MIGA1: variants seen among roughly 807,000 people sequenced by gnomAD.
MIGA1 encodes family with sequence similarity 73, member A.
MIGA1 carries 58 observed loss-of-function variants against 82.0 expected under a neutral mutation model. That is an observed-to-expected ratio of 0.71 (90% CI 0.57 to 0.88). The LOEUF is 0.88. MIGA1 is among the 40% of genes least tolerant of loss of function. The pLI, the probability that MIGA1 is intolerant of heterozygous loss-of-function variation, is 0.00. For synonymous variants in MIGA1, 249 were observed against 253.6 expected (o/e 0.98, Z 0.17); for missense variants, 751 against 749.1 (o/e 1.00, Z -0.03).
chr1:77,833,184 T>C (rs1684307757), intron 7 of MIGA1, among the ~76,000 whole-genome samples: 1 of 152,144 alleles, frequency 6.6e-6, no homozygotes, highest in Non-Finnish European at 1.5e-5. Flanking sequence ...TGCAGAATCA[T>C]TGTGGTTGGA....
At chr1:77,780,152 C>T (rs1049209509) in intron 1 of MIGA1, 2 of 989,974 alleles carry the variant, frequency 2.0e-6, no homozygotes, top group Non-Finnish European at 2.4e-6. Context: ...AGGAGAGCTC[C>T]GCGAGGGGCT....
At chr1:77,803,246 A>C (rs1682957812) in intron 3 of MIGA1, 24 bp from the exon 4 acceptor site, 1 of 1,363,094 alleles carries the variant, frequency 7.3e-7, no homozygotes, top group Non-Finnish European at 9.7e-7. Flanking sequence ...TGATATTTTT[A>C]ATATTAGTAT....
intron 2 of MIGA1, among the ~76,000 whole-genome samples, chr1:77,785,592 C>T (rs1454744610): frequency 6.6e-6 from 1 of 152,160 alleles, no homozygotes; most frequent in Non-Finnish European, 1.5e-5. Flanking sequence ...ATCTGCCTGC[C>T]TTGGCCTCCC....
intron 7 of MIGA1, among the ~76,000 whole-genome samples, chr1:77,824,649 G>A (rs1420478217): frequency 2.6e-5 from 4 of 152,184 alleles, no homozygotes; most frequent in Non-Finnish European, 5.9e-5. Context: ...TGTTTTAAAA[G>A]CATAAACACA....
In MIGA1 at chr1:77,874,832, T is replaced by C. The variant is rs540912776; in HGVS notation, c.1681-14T>C. ...TTTTGGTCTAATAAATGCCAATTTA[T>C]GTTCATTTTCCAGAATCAAGTTCTT... On this transcript the variant is annotated splice_polypyrimidine_tract_variant and intron_variant, in intron 15 of 15. Coordinates refer to ENST00000370791, the MANE Select transcript of MIGA1 (RefSeq NM_198549.4). The C allele has an allele frequency of 2.9e-5, 46 of 1,597,626 alleles. No homozygotes were observed. The highest frequency in any genetic ancestry group is 3.8e-5 in the Non-Finnish European group (44 of 1,167,102).
intron 2 of MIGA1, among the ~76,000 whole-genome samples, chr1:77,801,064 A>G (rs1682861328): frequency 6.6e-6 from 1 of 152,176 alleles, no homozygotes; most frequent in Non-Finnish European, 1.5e-5. Context: ...AAAAAATATT[A>G]ACGGGGTTGA....
intron 7 of MIGA1, among the ~76,000 whole-genome samples, chr1:77,822,830 A>T (rs1404731058): frequency 6.7e-6 from 1 of 148,334 alleles, no homozygotes. Flanking sequence ...AAATCCTTTC[A>T]GCATGTTTTT....
At chr1:77,874,704 G>T (rs963507382) in intron 15 of MIGA1, 142 bp from the exon 16 acceptor site, 1 of 634,038 alleles carries the variant, frequency 1.6e-6, no homozygotes, top group Middle Eastern at 4.4e-4. Context: ...CTTGTGCAAG[G>T]TCCCTTTTCT....
At chr1:77,866,456 T>G in intron 14 of MIGA1, 65 bp downstream of exon 14, 2 of 1,483,674 alleles carry the variant, frequency 1.3e-6, no homozygotes, top group Non-Finnish European at 9.4e-7. Context: ...AAGCAGCTTC[T>G]GAGTCACTTC....
chr1:77,873,078 G>C lies in MIGA1; in HGVS notation c.1638G>C (p.Leu546Phe), dbSNP rs139825144. ...GTCCTGTCCTAGCCTGGGGCTTTTTGGGTCCTAGAAATTCTCTGTATGATT... is the reference window on the plus strand; with the variant it reads ...GTCCTGTCCTAGCCTGGGGCTTTTTCGGTCCTAGAAATTCTCTGTATGATT... The change falls in exon 15 of 16, where the codon TTG (leucine) becomes TTC (phenylalanine). Residue 546 changes from leucine to phenylalanine, a missense_variant. Physicochemically the swap from Leu to Phe is conservative, Grantham distance 22. Around this residue, in one of 3 missense-constraint regions of MIGA1, gnomAD observed 265 missense variants for 293.6 expected, o/e 0.90. Coordinates refer to ENST00000370791, the MANE Select transcript of MIGA1 (RefSeq NM_198549.4). 3.7e-5 allele frequency: 59 copies of C among 1,613,718 alleles called. No individual in the cohort carries two copies. The African/African-American group carries it at 6.8e-4, about 19-fold the overall frequency.
intron 1 of MIGA1, 189 bp downstream of exon 1, chr1:77,779,925 C>T (rs1358759595): frequency 1.4e-6 from 2 of 1,382,674 alleles, no homozygotes; most frequent in Non-Finnish European, 9.3e-7. Flanking sequence ...CCTGAACACC[C>T]CCGACCTCGT....
chr1:77,866,132 G>T (rs917959464), intron 13 of MIGA1, among the ~76,000 whole-genome samples: 5 of 151,998 alleles, frequency 3.3e-5, no homozygotes, highest in Non-Finnish European at 7.4e-5. Flanking sequence ...GGCCAGGATG[G>T]TCTCCATCTC....
At chr1:77,849,688 A>G (rs1684974280) in intron 8 of MIGA1, among the ~76,000 whole-genome samples, 1 of 152,226 alleles carries the variant, frequency 6.6e-6, no homozygotes, top group African/African-American at 2.4e-5. Flanking sequence ...GGATAATTAT[A>G]ACCTGAAAAG....
At chr1:77,827,978 A>G (rs536146305) in intron 7 of MIGA1, among the ~76,000 whole-genome samples, 2 of 152,192 alleles carry the variant, frequency 1.3e-5, no homozygotes, top group East Asian at 3.9e-4. Flanking sequence ...GTATAGCTTG[A>G]ACCCAGGAGG....
chr1:77,832,666 T>TTTATATAAATAAAA (rs1553220228), intron 7 of MIGA1, among the ~76,000 whole-genome samples: 1 of 152,096 alleles, frequency 6.6e-6, no homozygotes, highest in Non-Finnish European at 1.5e-5. Context: ...GAACTACAAG[T>TTTATATAAATAAAA]TCTTTGATAT....
intron 14 of MIGA1, among the ~76,000 whole-genome samples, chr1:77,866,703 T>G (rs1203303006): frequency 7.7e-6 from 1 of 130,010 alleles, no homozygotes; most frequent in Non-Finnish European, 1.7e-5. Flanking sequence ...TTTTTTTTTT[T>G]GAGACAGTCT....
chr1:77,842,549 T>TTG (rs1684665594), intron 7 of MIGA1, among the ~76,000 whole-genome samples: 3 of 151,968 alleles, frequency 2.0e-5, no homozygotes, highest in East Asian at 1.9e-4. Flanking sequence ...ATTGTTTTTT[T>TTG]TTGTTGTTGT....
At chr1:77,828,750 A>G (rs1213851678) in intron 7 of MIGA1, among the ~76,000 whole-genome samples, 4 of 152,114 alleles carry the variant, frequency 2.6e-5, no homozygotes, top group Non-Finnish European at 4.4e-5. Flanking sequence ...ATAGCTTACT[A>G]TAGCCTTGAA....
chr1:77,782,210 A>G (rs1051257551), intron 1 of MIGA1, among the ~76,000 whole-genome samples: 3 of 152,198 alleles, frequency 2.0e-5, no homozygotes, highest in Non-Finnish European at 4.4e-5. Flanking sequence ...AGCACTACCC[A>G]AATAAAAGAA....
Sources: gnomAD v4.1 joint callset for allele counts (sites outside exome capture counted in the v4.1 genomes callset) on GRCh38, gnomAD v4.1.1 for gene constraint, gnomAD v4.1.1 regional missense constraint, MANE v1.5 for transcripts, NCBI Gene and HGNC (gene_info 2026-07-23, HGNC 2026-07-21) for gene names.